The following SLC14A2 variants were observed in gnomAD, a reference collection of about 807,000 sequenced individuals.
SLC14A2 encodes urea transporter 2.
Under a neutral mutation model 104.6 loss-of-function variants are expected in SLC14A2, and 91 were observed. The observed-to-expected ratio is 0.87, with a 90% CI of 0.73 to 1.04. The LOEUF (loss-of-function observed/expected upper bound fraction) is 1.04, where lower values mean the gene tolerates loss of function less well. SLC14A2 is among the 50% of genes least tolerant of loss of function. The pLI is 0.00. For synonymous variants in SLC14A2, 476 were observed against 466.4 expected, an observed-to-expected ratio of 1.02 and a Z score of -0.27; for missense variants, 1,189 against 1,156.0, an observed-to-expected ratio of 1.03 and a Z score of -0.41.
intron 1 of SLC14A2, among the ~76,000 whole-genome samples, chr18:45,280,361 G>T (rs770264406): frequency 2.6e-5 from 4 of 152,194 alleles, no homozygotes; most frequent in Admixed American, 2.0e-4. Context: ...GAGGCAGACA[G>T]CCCAGGTTCA....
At chr18:45,265,214 T>C (rs2084579664) in intron 1 of SLC14A2, among the ~76,000 whole-genome samples, 1 of 152,194 alleles carries the variant, frequency 6.6e-6, no homozygotes, top group East Asian at 1.9e-4. Context: ...ATGACAATTT[T>C]CTTCAAGCTT....
chr18:45,647,101 TCTC>T (rs1262439843), intron 10 of SLC14A2: 1 of 152,202 alleles, frequency 6.6e-6, no homozygotes. Context: ...CCCATCTTTA[TCTC>T]CTCTCATACA....
rs187522009 is a variant in SLC14A2 at position 45,584,475 on chromosome 18, A to T, written c.-34-40156A>T. ...CTGTAGCAGTTTTTTTCTCTGCACC[A>T]TGTGGCAATTCAGCAACAGAAATGG... On this transcript the variant is annotated intron_variant, in intron 2 of 20. Coordinates refer to the SLC14A2 transcript ENST00000586448. 2.0e-3 allele frequency among the ~76,000 whole-genome samples: 303 copies of T among 152,294 alleles called. 1 individual carries two copies. The highest frequency in any genetic ancestry group is 3.3e-3 in the South Asian group (16 of 4,820).
At chr18:45,246,600 T>C (rs2084369647) in intron 1 of SLC14A2, among the ~76,000 whole-genome samples, 1 of 152,070 alleles carries the variant, frequency 6.6e-6, no homozygotes. Context: ...TGAGACAGAC[T>C]CTCACTCTGT....
At chr18:45,210,727 C>G (rs553071920), upstream of SLC14A2, among the ~76,000 whole-genome samples, 39 of 152,296 alleles carry the variant, frequency 2.6e-4, no homozygotes, top group Admixed American at 4.6e-4. Flanking sequence ...GCTCTGCCAT[C>G]TGCTAGTGTA....
chr18:45,271,345 A>G (rs1384669014), intron 1 of SLC14A2, among the ~76,000 whole-genome samples: 3 of 152,126 alleles, frequency 2.0e-5, no homozygotes, highest in African/African-American at 7.2e-5. Context: ...TGATTCTAGG[A>G]GCTAAAAGAT....
intron 1 of SLC14A2, among the ~76,000 whole-genome samples, chr18:45,363,525 C>T (rs867808981): frequency 6.6e-6 from 1 of 152,050 alleles, no homozygotes; most frequent in Admixed American, 6.6e-5. Context: ...TGAGAATGTA[C>T]CCAGGCTGTG....
In SLC14A2 at chr18:45,627,439, A is replaced by C. The variant is rs1038294881; in HGVS notation, c.521+292A>C. ...ACAGAGCCTACCATCTAGTTGAAGG[A>C]GACAAGATTAATAGGCAATGAATGT... On this transcript the variant is annotated intron_variant, in intron 4 of 19. Transcript: ENST00000255226. Among the ~76,000 whole-genome samples, 7 of 152,336 alleles carry C rather than the reference A, an allele frequency of 4.6e-5. 1 individual carries two copies. Among genetic ancestry groups the C allele is most frequent in the Admixed American group, 1.3e-4 (2 of 15,308 alleles).
chr18:45,179,477 AAAAC>A, the SLC14A2 span, among the ~76,000 whole-genome samples: 1 of 152,186 alleles, frequency 6.6e-6, no homozygotes, highest in African/African-American at 2.4e-5. Context: ...AAGGAAAACA[AAAAC>A]AAAACACAGG....
rs1485258848 is a variant in SLC14A2 at position 45,265,664 on chromosome 18, C to T, written c.-125+52473C>T. ...AAATTATAACCTGGACATTTAAAAA[C>T]GGATGATTTGGCCATCATTTAGTAT... On this transcript the variant is annotated intron_variant, in intron 1 of 20. Transcript: ENST00000586448. 5.9e-5 allele frequency among the ~76,000 whole-genome samples: 9 copies of T among 152,244 alleles called. No individual in the cohort carries two copies. In the South Asian group the frequency reaches 6.2e-4, roughly 11 times the overall value.
intron 10 of SLC14A2, among the ~76,000 whole-genome samples, chr18:45,649,156 C>T (rs763591947): frequency 6.7e-6 from 1 of 149,076 alleles, no homozygotes; most frequent in Admixed American, 6.8e-5. Context: ...CCTATGAGAG[C>T]GAGTGAGACT....
At chr18:45,283,257 G>T (rs2084781149) in intron 1 of SLC14A2, among the ~76,000 whole-genome samples, 2 of 147,352 alleles carry the variant, frequency 1.4e-5, no homozygotes, top group South Asian at 4.3e-4. Context: ...AAAAGTGGAA[G>T]CTATTAAAAA....
Position 45,625,711 on chromosome 18 carries a change from A to G in SLC14A2, c.179A>G (p.His60Arg), listed in dbSNP as rs1188426024. ...CTCCGGTCTTCCAATGAAGACAGTC[A>G]CATTGTGAAGATCGAAAAGCTCAAT... Reference protein sequence around the residue: ...KDLRSSNEDSHIVKIEKLNER... With the variant: ...KDLRSSNEDSRIVKIEKLNER... Residue 60 changes from histidine (H) to arginine (R), a missense_variant, in exon 3 of 20, where the codon CAC becomes CGC. Transcript: ENST00000255226. The G allele has an allele frequency of 6.4e-7, 1 of 1,560,882 alleles. No homozygotes were observed. The highest frequency in any genetic ancestry group is 2.0e-5 in the Admixed American group (1 of 49,430).
At chr18:45,579,584 A>G (rs2044460546) in intron 2 of SLC14A2, among the ~76,000 whole-genome samples, 1 of 152,222 alleles carries the variant, frequency 6.6e-6, no homozygotes, top group Non-Finnish European at 1.5e-5. Context: ...TTTTTTAGGT[A>G]TATGTTAATG....
chr18:45,277,675 T>C (rs902534875), intron 1 of SLC14A2, among the ~76,000 whole-genome samples: 4 of 152,170 alleles, frequency 2.6e-5, no homozygotes, highest in Non-Finnish European at 5.9e-5. Context: ...TCCCAAAGTG[T>C]TGGGCTTACA....
chr18:45,653,921 C>T (rs151167464), intron 10 of SLC14A2, among the ~76,000 whole-genome samples: 1 of 152,320 alleles, frequency 6.6e-6, no homozygotes, highest in African/African-American at 2.4e-5. Context: ...GGGGATAACA[C>T]TTAAATAATA....
At chr18:45,284,090 CTG>C (rs1307006114) in intron 1 of SLC14A2, among the ~76,000 whole-genome samples, 2 of 152,136 alleles carry the variant, frequency 1.3e-5, no homozygotes, top group Admixed American at 6.5e-5. Context: ...TTAAATGTGA[CTG>C]TAAAAAATTT....
At chr18:45,582,565 A>G (rs375206961) in intron 2 of SLC14A2, among the ~76,000 whole-genome samples, 1 of 152,244 alleles carries the variant, frequency 6.6e-6, no homozygotes. Context: ...ATGTAAAATA[A>G]TCAATAAATA....
chr18:45,667,902 A>G lies in SLC14A2; in HGVS notation c.1787A>G (p.Asn596Ser). The change falls in exon 14 of 20, where the codon AAC becomes AGC. Residue 596 changes from asparagine (N) to serine (S), a missense_variant. Transcript: ENST00000255226. ...RGTSQVMFVN[N>S]PLSGILIILG... ...ACATCTCAAGTGATGTTTGTGAACA[A>G]CCCCCTCAGCGGCATCCTCATCATC... 10 of 1,613,440 alleles carry G rather than the reference A, an allele frequency of 6.2e-6. No homozygotes were observed. The highest frequency in any genetic ancestry group is 8.5e-6 in the Non-Finnish European group (10 of 1,179,842).
Sources: allele counts gnomAD v4.1 joint callset (sites outside exome capture counted in the v4.1 genomes callset), GRCh38; gene constraint gnomAD v4.1.1; transcripts MANE v1.5; gene names NCBI Gene and HGNC (gene_info 2026-07-23, HGNC 2026-07-21).